Variants in RAB38 observed in about 807,000 individuals in gnomAD.
RAB38 encodes the protein ras-related protein Rab-38.
RAB38 carries 15 observed loss-of-function variants against 18.4 expected under a neutral mutation model. That is an observed-to-expected ratio of 0.82 (90% CI 0.55 to 1.26). RAB38 has a LOEUF of 1.26. RAB38 is among the 50% of genes most tolerant of loss of function. RAB38 has a pLI of 0.00. For synonymous variants in RAB38, 101 were observed against 104.4 expected, an observed-to-expected ratio of 0.97 and a Z score of 0.20; for missense variants, 294 against 267.4, an observed-to-expected ratio of 1.10 and a Z score of -0.69.
At chr11:88,121,825 G>A (rs1942633762) in intron 2 of RAB38, among the ~76,000 whole-genome samples, 1 of 151,776 alleles carries the variant, frequency 6.6e-6, no homozygotes, top group Non-Finnish European at 1.5e-5. Flanking sequence ...GCCTCCCAAA[G>A]TGCTGGGATT....
chr11:87,854,426 C>CAAA, the RAB38 span, among the ~76,000 whole-genome samples: 12 of 152,230 alleles, frequency 7.9e-5, no homozygotes, highest in Admixed American at 3.3e-4. Context: ...CTTACATTCT[C>CAAA]TTTTCCTTAG....
chr11:88,024,457 C>T, the RAB38 span, among the ~76,000 whole-genome samples: 1 of 152,172 alleles, frequency 6.6e-6, no homozygotes, highest in Non-Finnish European at 1.5e-5. Flanking sequence ...AGTACAACCA[C>T]TATGAAGAAC....
At chr11:88,048,421 T>C in the RAB38 span, among the ~76,000 whole-genome samples, 1 of 152,160 alleles carries the variant, frequency 6.6e-6, no homozygotes, top group African/African-American at 2.4e-5. Context: ...CTTACCATCC[T>C]CAATCTTCAG....
At chr11:87,838,393 C>T in the RAB38 span, among the ~76,000 whole-genome samples, 1 of 152,174 alleles carries the variant, frequency 6.6e-6, no homozygotes, top group Non-Finnish European at 1.5e-5. Context: ...GGATTATAGG[C>T]GTGAGTCACT....
intron 1 of RAB38, among the ~76,000 whole-genome samples, chr11:88,151,097 C>G (rs1231588748): frequency 3.9e-5 from 6 of 152,180 alleles, no homozygotes; most frequent in African/African-American, 1.4e-4. Flanking sequence ...ATCAATTTTG[C>G]TCTGATGCTT....
At chr11:87,877,091 G>T in the RAB38 span, among the ~76,000 whole-genome samples, 2 of 151,466 alleles carry the variant, frequency 1.3e-5, no homozygotes, top group African/African-American at 4.8e-5. Context: ...AGGACAGATA[G>T]GTGTCATCTT....
At chr11:88,067,983 T>TA in the RAB38 span, among the ~76,000 whole-genome samples, 4 of 146,760 alleles carry the variant, frequency 2.7e-5, no homozygotes, top group South Asian at 6.3e-4. Context: ...ATATATATAC[T>TA]TATATATATA....
the RAB38 span, among the ~76,000 whole-genome samples, chr11:87,876,512 A>G: frequency 6.6e-6 from 1 of 151,590 alleles, no homozygotes; most frequent in Non-Finnish European, 1.5e-5. Flanking sequence ...AGTAACAAAT[A>G]TTAATTCTCA....
At chr11:88,171,844 G>A (rs1381921569) in intron 1 of RAB38, among the ~76,000 whole-genome samples, 1 of 152,040 alleles carries the variant, frequency 6.6e-6, no homozygotes, top group Non-Finnish European at 1.5e-5. Flanking sequence ...TGAACTTTTT[G>A]TTTTCATTTT....
chr11:87,923,545 TTCTGTG>T, the RAB38 span, among the ~76,000 whole-genome samples: 1 of 126,242 alleles, frequency 7.9e-6, no homozygotes, highest in Non-Finnish European at 1.6e-5. Flanking sequence ...AGTCAATTAA[TTCTGTG>T]TGTGTGTGTG....
chr11:87,941,237 A>ATATATATATATATATATATATATATG, the RAB38 span, among the ~76,000 whole-genome samples: 166 of 123,604 alleles, frequency 1.3e-3, 1 homozygote, highest in Middle Eastern at 4.3e-3. Context: ...ATATATATAT[A>ATATATATATATATATATATATATATG]TATATATATG....
the RAB38 span, among the ~76,000 whole-genome samples, chr11:87,971,718 G>C: frequency 6.6e-6 from 1 of 152,036 alleles, no homozygotes; most frequent in Non-Finnish European, 1.5e-5. Flanking sequence ...GAGTGAGTGT[G>C]GGAACAAGAT....
At chr11:88,064,922 C>A in the RAB38 span, among the ~76,000 whole-genome samples, 1 of 152,092 alleles carries the variant, frequency 6.6e-6, no homozygotes, top group East Asian at 1.9e-4. Context: ...TGCTTACAAT[C>A]TTGTGAAAAA....
chr11:88,063,932 C>A, the RAB38 span, among the ~76,000 whole-genome samples: 2 of 152,230 alleles, frequency 1.3e-5, no homozygotes, highest in African/African-American at 4.8e-5. Flanking sequence ...ATACCAGGGT[C>A]TTCCCAAGCA....
chr11:88,088,792 T>C, the RAB38 span, among the ~76,000 whole-genome samples: 1 of 151,786 alleles, frequency 6.6e-6, no homozygotes, highest in African/African-American at 2.4e-5. Context: ...AGTCAAAATG[T>C]AAAAGCCAAA....
At chr11:87,869,213 T>C in the RAB38 span, among the ~76,000 whole-genome samples, 1 of 151,680 alleles carries the variant, frequency 6.6e-6, no homozygotes, top group Non-Finnish European at 1.5e-5. Flanking sequence ...ATCAACCAAA[T>C]CACAAGGTCA....
chr11:88,028,591 T>C, the RAB38 span, among the ~76,000 whole-genome samples: 2 of 152,106 alleles, frequency 1.3e-5, no homozygotes, highest in Non-Finnish European at 1.5e-5. Flanking sequence ...TGCAGAAGCC[T>C]CAGGAGCCGA....
chr11:87,975,033 C>T, the RAB38 span, among the ~76,000 whole-genome samples: 65 of 151,944 alleles, frequency 4.3e-4, no homozygotes, highest in East Asian at 0.012. Context: ...TGCCTCTCTC[C>T]TAGCTCCAGG....
chr11:88,029,813 C>T, the RAB38 span, among the ~76,000 whole-genome samples: 1 of 152,052 alleles, frequency 6.6e-6, no homozygotes, highest in Non-Finnish European at 1.5e-5. Flanking sequence ...CAACATTAGA[C>T]AGATCAACGA....
Sources: gnomAD v4.1 joint callset for allele counts (sites outside exome capture counted in the v4.1 genomes callset) on GRCh38, gnomAD v4.1.1 for gene constraint, MANE v1.5 for transcripts, NCBI Gene and HGNC (gene_info 2026-07-23, HGNC 2026-07-21) for gene names.